The following HIBCH variants were observed in gnomAD, a reference collection of about 807,000 sequenced individuals.
The protein encoded by HIBCH is 3-hydroxyisobutyryl-CoA hydrolase.
A neutral mutation model predicts 58.2 loss-of-function variants in HIBCH; 50 were observed. The ratio of observed to expected loss-of-function variants is 0.86; its 90% CI spans 0.68 to 1.09. The LOEUF is 1.09. HIBCH is among the 50% of genes least tolerant of loss of function. HIBCH has a pLI of 0.00. For synonymous variants in HIBCH, 151 were observed against 146.9 expected (o/e 1.03, Z -0.20); for missense variants, 450 against 449.7 (o/e 1.00, Z -0.01).
chr2:190,241,970 C>T (rs7573689), intron 11 of HIBCH, among the ~76,000 whole-genome samples: 47,037 of 151,850 alleles, frequency 0.31, 8,341 homozygotes, highest in African/African-American at 0.47. Flanking sequence ...GGAGCATCTT[C>T]GCGGCGTTCT....
At chr2:190,245,899 A>C (rs1305559236) in intron 10 of HIBCH, among the ~76,000 whole-genome samples, 1 of 151,938 alleles carries the variant, frequency 6.6e-6, no homozygotes, top group African/African-American at 2.4e-5. Context: ...CTGAAGCATA[A>C]GAATTGCTTG....
At chr2:190,286,626 G>A (rs62184406) in intron 6 of HIBCH, among the ~76,000 whole-genome samples, 23,350 of 152,124 alleles carry the variant, frequency 0.15, 2,514 homozygotes, top group Admixed American at 0.32. Flanking sequence ...ATCTTTGTCA[G>A]TACCATACAA....
chr2:190,279,608 T>G lies in HIBCH; in HGVS notation c.438+7978A>C, dbSNP rs558466346. On this transcript the variant is annotated intron_variant, in intron 6 of 13. Transcript: ENST00000359678. This position sits in a 1 kb window ranked among gnomAD's most constrained non-coding sequence, Gnocchi z 4.2. ...CTAATTAGGAATAAATAGTAAATTCTCTTAGAAGCAAAATTTATTCAAAGA... is the reference window on the plus strand; with the variant it reads ...CTAATTAGGAATAAATAGTAAATTCGCTTAGAAGCAAAATTTATTCAAAGA... Among the ~76,000 whole-genome samples, 1 of 152,340 alleles carries G rather than the reference T, an allele frequency of 6.6e-6. No homozygotes were observed. Among genetic ancestry groups the G allele is most frequent in the Admixed American group, 6.5e-5 (1 of 15,300 alleles).
intron 6 of HIBCH, among the ~76,000 whole-genome samples, chr2:190,263,400 C>A (rs891650207): frequency 3.3e-5 from 5 of 152,110 alleles, no homozygotes; most frequent in East Asian, 1.9e-4. Context: ...ACCATACATT[C>A]CTGCTTTAAA....
chr2:190,267,428 C>T (rs1575736924), intron 6 of HIBCH, among the ~76,000 whole-genome samples: 1 of 151,888 alleles, frequency 6.6e-6, no homozygotes, highest in Admixed American at 6.6e-5. Flanking sequence ...AATGCCTGAC[C>T]TTAGGTTATT....
At chr2:190,317,740 T>C (rs1038581360) in intron 1 of HIBCH, among the ~76,000 whole-genome samples, 3 of 152,138 alleles carry the variant, frequency 2.0e-5, no homozygotes, top group East Asian at 1.9e-4. Context: ...TTAGGTAAGT[T>C]TGAGAATCTA....
intron 2 of HIBCH, among the ~76,000 whole-genome samples, chr2:190,303,135 G>C (rs192670111): frequency 6.6e-6 from 1 of 152,172 alleles, no homozygotes; most frequent in African/African-American, 2.4e-5. Context: ...CTCATGTTTA[G>C]TTTAATACAC....
rs369704911 is a variant in HIBCH at position 190,288,156 on chromosome 2, CTTTTTTTTTTT to C, written c.386-529_386-519del. On this transcript the variant is annotated intron_variant, in intron 5 of 13. Transcript: ENST00000359678. ...CCTGGGCAACAGACCAAGACCCTAT[CTTTTTTTTTTT>C]TTTTTTTAAAAAAAGGAAGAGCTAT... 2.5e-3 allele frequency among the ~76,000 whole-genome samples: 352 copies of C among 141,690 alleles called. 1 individual carries two copies. The highest frequency in any genetic ancestry group is 8.4e-3 in the African/African-American group (317 of 37,632). The allele number at this position is 141,690 out of a possible 152,430, so 93.0% of individuals were successfully genotyped here.
At chr2:190,248,688 C>T (rs759447081) in intron 9 of HIBCH, among the ~76,000 whole-genome samples, 2 of 151,782 alleles carry the variant, frequency 1.3e-5, no homozygotes, top group South Asian at 2.1e-4. Context: ...ATGGTGAAAC[C>T]CTGTCTCTAC....
At chr2:190,259,944 T>A (rs1559039302) in intron 7 of HIBCH, among the ~76,000 whole-genome samples, 1 of 152,186 alleles carries the variant, frequency 6.6e-6, no homozygotes, top group Non-Finnish European at 1.5e-5. Flanking sequence ...GAAAAATATA[T>A]ACCTTAACAT....
rs965423095 is a variant in HIBCH at position 190,243,936 on chromosome 2, C to T, written c.891+951G>A. Reference sequence around the variant, plus strand: ...AGTGAGTTGTGATTGCACCACTGTCCTCCAGCCTGGGGAACAGGGCAAGAT... The same window carrying T: ...AGTGAGTTGTGATTGCACCACTGTCTTCCAGCCTGGGGAACAGGGCAAGAT... On this transcript the variant is annotated intron_variant, in intron 11 of 13. Coordinates refer to ENST00000359678, the MANE Select transcript of HIBCH (RefSeq NM_014362.4). The surrounding 1 kb of genome is among the most constrained non-coding windows in gnomAD (Gnocchi z 4.1). 6.6e-6 allele frequency among the ~76,000 whole-genome samples: 1 copy of T among 152,152 alleles called. No homozygotes were observed. The highest frequency in any genetic ancestry group is 1.5e-5 in the Non-Finnish European group (1 of 68,034).
chr2:190,238,324 C>A (rs192883053), intron 11 of HIBCH, among the ~76,000 whole-genome samples: 1 of 152,280 alleles, frequency 6.6e-6, no homozygotes, highest in African/African-American at 2.4e-5. Context: ...TGCATCCTTG[C>A]CAGTATCTGT....
At chr2:190,264,613 C>T (rs1394405126) in intron 6 of HIBCH, among the ~76,000 whole-genome samples, 1 of 152,162 alleles carries the variant, frequency 6.6e-6, no homozygotes, top group East Asian at 1.9e-4. Flanking sequence ...TATGTTCTTG[C>T]ATATAGCAGT....
chr2:190,317,695 C>A (rs1472243317), intron 1 of HIBCH, among the ~76,000 whole-genome samples: 1 of 152,076 alleles, frequency 6.6e-6, no homozygotes, highest in East Asian at 1.9e-4. Flanking sequence ...CCTGAATCCA[C>A]AGGAAGAGGT....
chr2:190,282,580 C>T (rs1228885844), intron 6 of HIBCH, among the ~76,000 whole-genome samples: 1 of 152,222 alleles, frequency 6.6e-6, no homozygotes, highest in Non-Finnish European at 1.5e-5. Context: ...CCTCCCAACA[C>T]CACCACACTG....
chr2:190,275,476 A>G (rs760456409), intron 6 of HIBCH, among the ~76,000 whole-genome samples: 33 of 152,242 alleles, frequency 2.2e-4, no homozygotes, highest in Non-Finnish European at 4.3e-4. Context: ...ATTTGTCATA[A>G]CATACCAGAA....
chr2:190,275,479 T>C (rs930380752), intron 6 of HIBCH, among the ~76,000 whole-genome samples: 3 of 152,214 alleles, frequency 2.0e-5, no homozygotes, highest in Admixed American at 6.5e-5. Flanking sequence ...TGTCATAACA[T>C]ACCAGAACAG....
At chr2:190,198,828 A>G (rs1311573039) in intron 1 of HIBCH, among the ~76,000 whole-genome samples, 1 of 152,122 alleles carries the variant, frequency 6.6e-6, no homozygotes, top group African/African-American at 2.4e-5. Context: ...TAAGTCCCTT[A>G]AGAGGAGTTC....
Position 190,216,899 on chromosome 2 carries a change from AC to A in HIBCH, c.892-3825del, listed in dbSNP as rs1424859905. Among the ~76,000 whole-genome samples, 15 of 152,230 alleles carry A rather than the reference AC, an allele frequency of 9.9e-5. No homozygotes were observed. Among genetic ancestry groups the A allele is most frequent in the African/African-American group, 3.4e-4 (14 of 41,544 alleles). On this transcript the variant is annotated intron_variant, in intron 11 of 13. Coordinates refer to ENST00000359678, the MANE Select transcript of HIBCH (RefSeq NM_014362.4). This position sits in a 1 kb window ranked among gnomAD's most constrained non-coding sequence, Gnocchi z 4.2. ...CCTCCCAGAGCGGGACAAACCAGAG[AC>A]CCTTTGCAGTTGCTGGGTCACCAGC...
Sources: allele counts gnomAD v4.1 joint callset (sites outside exome capture counted in the v4.1 genomes callset), GRCh38; gene constraint gnomAD v4.1.1; non-coding constraint Gnocchi (gnomAD v3.1); transcripts MANE v1.5; gene names NCBI Gene and HGNC (gene_info 2026-07-23, HGNC 2026-07-21).